The following SMARCA4 variants were observed in gnomAD, a reference collection of about 807,000 sequenced individuals.
The protein encoded by SMARCA4 is SWI/SNF-related matrix-associated actin-dependent regulator of chromatin subfamily A member 4.
Under a neutral mutation model 193.9 loss-of-function variants are expected in SMARCA4, and 31 were observed. That is an observed-to-expected ratio of 0.16 (90% CI 0.12 to 0.22). The LOEUF (loss-of-function observed/expected upper bound fraction) is 0.22, where lower values mean the gene tolerates loss of function less well. Ranked by LOEUF, SMARCA4 falls within the 10% of genes least tolerant of loss-of-function variation. The probability of loss-of-function intolerance (pLI) is 1.00; values close to 1 mark genes in which losing one functional copy is unlikely to be tolerated. For missense variants in SMARCA4, 1,148 were observed against 2,296.0 expected (o/e 0.50, Z 10.22); for synonymous variants, 942 against 933.1 (o/e 1.01, Z -0.17).
chr19:10,988,071 T>A, intron 6 of SMARCA4, 147 bp downstream of exon 6: 1 of 745,578 alleles, frequency 1.3e-6, no homozygotes. Flanking sequence ...CTCACCTCCC[T>A]GCTCCCACCC....
At chr19:11,059,978 G>C in intron 33 of SMARCA4, 67 bp from the exon 34 acceptor site, 1 of 1,611,364 alleles carries the variant, frequency 6.2e-7, no homozygotes, top group Non-Finnish European at 8.5e-7. Flanking sequence ...GCTCCCAGAC[G>C]CCCCTTGCTG....
At chr19:10,991,582 G>A (rs2086567929) in intron 8 of SMARCA4, among the ~76,000 whole-genome samples, 1 of 152,220 alleles carries the variant, frequency 6.6e-6, no homozygotes, top group South Asian at 2.1e-4. Context: ...AGGATAGAGA[G>A]GAAGGAACGG....
chr19:10,987,614 G>C lies in SMARCA4; in HGVS notation c.860-52G>C, dbSNP rs2086169297. ...CTCAGCAGCTTTCCATTTCCAGCCC[G>C]GGATGGGCCCCAGAGCTCAACATGA... On this transcript the variant is annotated intron_variant, in intron 5 of 34. Transcript: ENST00000344626. This position sits in a 1 kb window ranked among gnomAD's most constrained non-coding sequence, Gnocchi z 5.3. 2 of 1,608,826 alleles carry C rather than the reference G, an allele frequency of 1.2e-6. No homozygotes were observed. Among genetic ancestry groups the C allele is most frequent in the South Asian group, 2.2e-5 (2 of 90,906 alleles).
chr19:11,049,317 C>T (rs571186449), intron 30 of SMARCA4, among the ~76,000 whole-genome samples: 2 of 152,270 alleles, frequency 1.3e-5, no homozygotes, highest in East Asian at 3.9e-4. Context: ...TCTCAAACCA[C>T]ATTGAGGAAC....
chr19:11,026,293 C>T lies in SMARCA4; in HGVS notation c.3169-7C>T. The T allele has an allele frequency of 6.2e-7, 1 of 1,613,514 alleles. No individual in the cohort carries two copies. Among genetic ancestry groups the T allele is most frequent in the Non-Finnish European group, 8.5e-7 (1 of 1,179,580 alleles). ...CTGTCACTGACCCCTCTCTCCTTGCCTTGCAGGAGTCCTTTTCCGAGCACT... is the reference window on the plus strand; with the variant it reads ...CTGTCACTGACCCCTCTCTCCTTGCTTTGCAGGAGTCCTTTTCCGAGCACT... On this transcript the variant is annotated splice_polypyrimidine_tract_variant and splice_region_variant and intron_variant, in intron 22 of 34. Coordinates refer to ENST00000344626, the MANE Select transcript of SMARCA4 (RefSeq NM_003072.5).
In SMARCA4 at chr19:11,058,847, C is replaced by T. The variant is rs757189400; in HGVS notation, c.4593C>T (p.Leu1531=). 4.3e-6 allele frequency: 7 copies of T among 1,614,122 alleles called. No homozygotes were observed. Among genetic ancestry groups the T allele is most frequent in the East Asian group, 2.2e-5 (1 of 44,886 alleles). ...SLNDLEKDVM[L]LCQNAQTFNL... The stretch of plus-strand genomic sequence containing the variant: ...ACGACCTAGAGAAGGACGTCATGCT[C>T]CTGTGCCAGAACGCACAGACCTTCA... The change falls in exon 32 of 35, where the codon CTC becomes CTT. Residue 1531 remains leucine, a synonymous_variant. Coordinates refer to ENST00000344626, the MANE Select transcript of SMARCA4 (RefSeq NM_003072.5). This position sits in a 1 kb window ranked among gnomAD's most constrained non-coding sequence, Gnocchi z 5.8.
intron 23 of SMARCA4, among the ~76,000 whole-genome samples, chr19:11,027,348 C>T (rs992162019): frequency 1.3e-5 from 2 of 152,174 alleles, no homozygotes; most frequent in African/African-American, 4.8e-5. Flanking sequence ...CTGGAGAGAA[C>T]ATGAGAAGCC....
rs1437527088 is a variant in SMARCA4 at position 11,059,748 on chromosome 19, C to T, written c.4636-5C>T. The T allele has an allele frequency of 1.9e-6, 3 of 1,562,538 alleles. No individual in the cohort carries two copies. The African/African-American group carries it at 4.1e-5, about 21-fold the overall frequency. The stretch of plus-strand genomic sequence containing the variant: ...TCCACTCAAGCCCCTGGTGTCTCTG[C>T]CCAGATCTATGAAGACTCCATCGTC... On this transcript the variant is annotated splice_region_variant and splice_polypyrimidine_tract_variant and intron_variant, in intron 32 of 34. Coordinates refer to ENST00000344626, the MANE Select transcript of SMARCA4 (RefSeq NM_003072.5).
chr19:10,984,085 G>A lies in SMARCA4; in HGVS notation c.-31-36G>A. 3 of 1,598,164 alleles carry A rather than the reference G, an allele frequency of 1.9e-6. No homozygotes were observed. The highest frequency in any genetic ancestry group is 2.6e-6 in the Non-Finnish European group (3 of 1,167,048). ...CTATCCCTGTCCTGCCTCGCCCTTG[G>A]TCATGAACCCCAGACTGACCAGGAC... On this transcript the variant is annotated intron_variant, in intron 1 of 34. Coordinates refer to ENST00000344626, the MANE Select transcript of SMARCA4 (RefSeq NM_003072.5). This position sits in a 1 kb window ranked among gnomAD's most constrained non-coding sequence, Gnocchi z 4.3.
At chr19:11,035,589 A>G (rs2146713976) in intron 29 of SMARCA4, among the ~76,000 whole-genome samples, 1 of 152,312 alleles carries the variant, frequency 6.6e-6, no homozygotes, top group South Asian at 2.1e-4. Flanking sequence ...GGGGAGACTC[A>G]GTCATGGGGA....
chr19:11,048,624 C>G (rs2076083910), intron 30 of SMARCA4, among the ~76,000 whole-genome samples: 1 of 152,220 alleles, frequency 6.6e-6, no homozygotes, highest in South Asian at 2.1e-4. Context: ...CATGGTCCGT[C>G]TAGGTGGCGA....
chr19:10,983,088 G>A (rs2085696094), intron 1 of SMARCA4, among the ~76,000 whole-genome samples: 1 of 152,200 alleles, frequency 6.6e-6, no homozygotes. Context: ...AGCCTAGAAT[G>A]TATTGAGAAA....
At position 11,061,831 on chromosome 19, in the gene SMARCA4, G is replaced by A. The variant is rs1568570679; in HGVS notation, c.*15G>A. 3.1e-6 allele frequency: 5 copies of A among 1,613,626 alleles called. No individual in the cohort carries two copies. The Admixed American group carries it at 5.0e-5, about 16-fold the overall frequency. On this transcript the variant is annotated 3_prime_UTR_variant, in exon 35 of 35. Transcript: ENST00000344626. ...AAGAAGACTGAGCCCCGACATTCCA[G>A]TCTCGACCCCGAGCCCCTCGTTCCA...
At chr19:11,016,274 G>A (rs1467085323) in intron 16 of SMARCA4, among the ~76,000 whole-genome samples, 3 of 152,142 alleles carry the variant, frequency 2.0e-5, no homozygotes, top group African/African-American at 7.2e-5. Context: ...TCACGAGGCC[G>A]TTCACGAGGG....
intron 1 of SMARCA4, among the ~76,000 whole-genome samples, chr19:10,972,351 C>T (rs2084741384): frequency 6.6e-6 from 1 of 151,960 alleles, no homozygotes; most frequent in Non-Finnish European, 1.5e-5. Context: ...CTGCCTCGGC[C>T]TCCCAAAGTG....
chr19:11,048,711 C>T (rs978175153), intron 30 of SMARCA4, among the ~76,000 whole-genome samples: 2 of 152,214 alleles, frequency 1.3e-5, no homozygotes, highest in African/African-American at 4.8e-5. Context: ...GGCAGGGACG[C>T]CCTTCCTGTC....
intron 30 of SMARCA4, among the ~76,000 whole-genome samples, chr19:11,055,598 G>A (rs1411495660): frequency 1.3e-5 from 2 of 152,138 alleles, no homozygotes; most frequent in African/African-American, 4.8e-5. Flanking sequence ...ACAGCCCTGG[G>A]GTCTCACTTC....
At position 10,985,208 on chromosome 19, in the gene SMARCA4, G is replaced by T; in HGVS notation, c.223-65G>T. On this transcript the variant is annotated intron_variant, in intron 2 of 34. Transcript: ENST00000344626. The surrounding 1 kb of genome is among the most constrained non-coding windows in gnomAD (Gnocchi z 4.5). ...TGCCCTCGAGCTTCTCTCGGGCAGCGCATAGCTGCGCTGCCACCTCACGTT... is the reference window on the plus strand; with the variant it reads ...TGCCCTCGAGCTTCTCTCGGGCAGCTCATAGCTGCGCTGCCACCTCACGTT... The T allele has an allele frequency of 1.3e-6, 2 of 1,578,958 alleles. No individual in the cohort carries two copies. Among genetic ancestry groups the T allele is most frequent in the Non-Finnish European group, 1.7e-6 (2 of 1,149,366 alleles).
At chr19:10,997,702 A>T (rs943945763) in intron 11 of SMARCA4, among the ~76,000 whole-genome samples, 1 of 151,674 alleles carries the variant, frequency 6.6e-6, no homozygotes, top group Non-Finnish European at 1.5e-5. Flanking sequence ...TCCTGGGCTC[A>T]GGCATCCTCC....
Sources: gnomAD v4.1 joint callset for allele counts (sites outside exome capture counted in the v4.1 genomes callset) on GRCh38, gnomAD v4.1.1 for gene constraint, Gnocchi (gnomAD v3.1) non-coding constraint, MANE v1.5 for transcripts, NCBI Gene and HGNC (gene_info 2026-07-23, HGNC 2026-07-21) for gene names.